FAF1: variants seen among roughly 807,000 people sequenced by gnomAD.
FAF1 encodes the protein FAS-associated factor 1.
FAF1 carries 25 observed loss-of-function variants against 92.5 expected under a neutral mutation model. The ratio of observed to expected loss-of-function variants is 0.27; its 90% CI spans 0.20 to 0.38. The LOEUF (loss-of-function observed/expected upper bound fraction) is 0.38. FAF1 is among the 10% of genes least tolerant of loss of function. The probability of loss-of-function intolerance (pLI) is 1.00; values close to 1 mark genes in which losing one functional copy is unlikely to be tolerated. For missense variants in FAF1, 636 were observed against 793.3 expected (o/e 0.80, Z 2.38); for synonymous variants, 234 against 273.2 (o/e 0.86, Z 1.42).
intron 7 of FAF1, among the ~76,000 whole-genome samples, chr1:50,666,179 G>A (rs1655613889): frequency 6.6e-6 from 1 of 151,330 alleles, no homozygotes; most frequent in Admixed American, 6.6e-5. Flanking sequence ...CTCCCAAATT[G>A]CTGGGATTAC....
intron 1 of FAF1, among the ~76,000 whole-genome samples, chr1:50,924,953 A>G (rs941245709): frequency 2.0e-5 from 3 of 152,240 alleles, no homozygotes; most frequent in African/African-American, 7.2e-5. Flanking sequence ...ATTGCACTCC[A>G]GCCTGGGTGA....
At chr1:50,730,513 C>T (rs924628465) in intron 6 of FAF1, among the ~76,000 whole-genome samples, 6 of 152,028 alleles carry the variant, frequency 3.9e-5, no homozygotes, top group African/African-American at 7.2e-5. Context: ...ACTTACTCTG[C>T]GGTTATTATT....
At chr1:50,637,169 C>T (rs1226963893) in intron 8 of FAF1, among the ~76,000 whole-genome samples, 2 of 150,820 alleles carry the variant, frequency 1.3e-5, no homozygotes, top group Non-Finnish European at 2.9e-5. Context: ...GGCATGGTGG[C>T]TCACATCTGT....
intron 1 of FAF1, among the ~76,000 whole-genome samples, chr1:50,941,788 C>T (rs921204101): frequency 3.9e-5 from 6 of 152,212 alleles, no homozygotes; most frequent in Admixed American, 3.3e-4. Flanking sequence ...CACGTTCCCC[C>T]ATTGGACCCA....
intron 5 of FAF1, among the ~76,000 whole-genome samples, chr1:50,739,498 T>C (rs1183095967): frequency 1.3e-5 from 2 of 152,164 alleles, no homozygotes; most frequent in Non-Finnish European, 2.9e-5. Context: ...AATGTTAATA[T>C]ATAAACTCTT....
intron 12 of FAF1, among the ~76,000 whole-genome samples, chr1:50,574,182 T>C (rs769444553): frequency 6.6e-6 from 1 of 152,312 alleles, no homozygotes; most frequent in Middle Eastern, 3.4e-3. Flanking sequence ...CAGATGTTCA[T>C]TGGGTATAGA....
intron 1 of FAF1, among the ~76,000 whole-genome samples, chr1:50,917,803 T>C (rs1250222706): frequency 6.6e-6 from 1 of 151,632 alleles, no homozygotes; most frequent in Non-Finnish European, 1.5e-5. Context: ...GAATCTAAGG[T>C]GAAATAAAAA....
At chr1:50,816,063 C>T (rs1472228482) in intron 2 of FAF1, among the ~76,000 whole-genome samples, 1 of 151,478 alleles carries the variant, frequency 6.6e-6, no homozygotes, top group Non-Finnish European at 1.5e-5. Context: ...AGCCATTCTT[C>T]CTGGTGTGAG....
At chr1:50,657,588 A>G (rs1016465121) in intron 7 of FAF1, among the ~76,000 whole-genome samples, 1 of 152,200 alleles carries the variant, frequency 6.6e-6, no homozygotes, top group Non-Finnish European at 1.5e-5. Context: ...AAACTTCAAT[A>G]GGGTTCTTCA....
At chr1:50,622,394 C>T (rs960230669) in intron 8 of FAF1, among the ~76,000 whole-genome samples, 6 of 152,088 alleles carry the variant, frequency 3.9e-5, no homozygotes, top group Non-Finnish European at 8.8e-5. Context: ...GCCTTGGCTT[C>T]AGCATCTCCT....
At chr1:50,868,298 A>C (rs1644498660) in intron 1 of FAF1, among the ~76,000 whole-genome samples, 1 of 152,298 alleles carries the variant, frequency 6.6e-6, no homozygotes, top group Non-Finnish European at 1.5e-5. Flanking sequence ...TTGTAATCAA[A>C]CACCACCTGT....
chr1:50,793,927 C>A (rs1661652524), intron 3 of FAF1, among the ~76,000 whole-genome samples: 1 of 152,144 alleles, frequency 6.6e-6, no homozygotes, highest in Admixed American at 6.5e-5. Flanking sequence ...CTGACATTAA[C>A]ACTCAAAGGA....
chr1:50,800,226 A>C (rs1241043762), intron 3 of FAF1, among the ~76,000 whole-genome samples: 1 of 152,234 alleles, frequency 6.6e-6, no homozygotes, highest in Non-Finnish European at 1.5e-5. Context: ...AAGTTTCTAC[A>C]GTTCACCTAT....
chr1:50,607,255 A>C (rs1417421272), intron 8 of FAF1, among the ~76,000 whole-genome samples: 1 of 152,078 alleles, frequency 6.6e-6, no homozygotes, highest in Non-Finnish European at 1.5e-5. Flanking sequence ...AGGTGTGTAA[A>C]TACTTGGGAA....
At chr1:50,650,284 CAAA>C (rs1213490969) in intron 8 of FAF1, among the ~76,000 whole-genome samples, 3 of 84,228 alleles carry the variant, frequency 3.6e-5, no homozygotes, top group Non-Finnish European at 6.9e-5. Context: ...AACTCTGTCT[CAAA>C]AAAAAAAAAA....
chr1:50,752,574 G>A (rs990871483), intron 4 of FAF1, among the ~76,000 whole-genome samples: 4 of 151,972 alleles, frequency 2.6e-5, no homozygotes, highest in African/African-American at 4.8e-5. Flanking sequence ...ACAGCTTTAG[G>A]TTTTGTTCAT....
chr1:50,526,429 C>T (rs1451796614), intron 15 of FAF1, among the ~76,000 whole-genome samples: 1 of 151,164 alleles, frequency 6.6e-6, no homozygotes, highest in African/African-American at 2.4e-5. Context: ...GACCCCATCT[C>T]TATTAAAAAT....
At chr1:50,504,845 T>C (rs1239683567) in intron 15 of FAF1, among the ~76,000 whole-genome samples, 1 of 152,192 alleles carries the variant, frequency 6.6e-6, no homozygotes, top group Non-Finnish European at 1.5e-5. Flanking sequence ...AACCAAAGTA[T>C]GGTCCAAGGA....
chr1:50,566,984 T>C, intron 13 of FAF1, 93 bp downstream of exon 13: 3 of 960,484 alleles, frequency 3.1e-6, no homozygotes, highest in East Asian at 5.1e-5. Context: ...GAGAGTTTAA[T>C]GCTGAGGATG....
Sources: allele counts gnomAD v4.1 joint callset (sites outside exome capture counted in the v4.1 genomes callset), GRCh38; gene constraint gnomAD v4.1.1; transcripts MANE v1.5; gene names NCBI Gene and HGNC (gene_info 2026-07-23, HGNC 2026-07-21).